LTF: variants seen among roughly 807,000 people sequenced by gnomAD.
LTF encodes epididymis luminal protein 110.
In LTF, 91 loss-of-function variants were observed where a neutral mutation model predicts 87.2. The ratio of observed to expected loss-of-function variants is 1.04; its 90% CI spans 0.88 to 1.24. The LOEUF (loss-of-function observed/expected upper bound fraction) is 1.24. LTF is among the 50% of genes most tolerant of loss of function. The pLI is 0.00. For synonymous variants in LTF, 378 were observed against 356.1 expected, an observed-to-expected ratio of 1.06 and a Z score of -0.69; for missense variants, 901 against 904.3, an observed-to-expected ratio of 1.00 and a Z score of 0.05.
intron 4 of LTF, 42 bp from the exon 5 acceptor site, chr3:46,455,484 C>G: frequency 1.9e-6 from 3 of 1,612,930 alleles, no homozygotes; most frequent in Non-Finnish European, 2.5e-6. Flanking sequence ...GTGAGCCAGC[C>G]CTGGTCACAG....
intron 1 of LTF, among the ~76,000 whole-genome samples, chr3:46,475,534 ACACACACAC>A (rs1703349738): frequency 6.7e-6 from 1 of 149,602 alleles, no homozygotes. Flanking sequence ...ACACACACAC[ACACACACAC>A]ACACACACAC....
At chr3:46,445,948 C>T (rs2269439) in intron 11 of LTF, among the ~76,000 whole-genome samples, 53,398 of 152,060 alleles carry the variant, frequency 0.35, 9,862 homozygotes, top group East Asian at 0.67. Context: ...CGTTGTCCTC[C>T]TGAGAGAATG....
intron 1 of LTF, among the ~76,000 whole-genome samples, chr3:46,481,370 A>C (rs1445401462): frequency 6.6e-6 from 1 of 152,166 alleles, no homozygotes; most frequent in Non-Finnish European, 1.5e-5. Flanking sequence ...AAACCCACCA[A>C]CAGGGCTAGG....
chr3:46,467,431 C>A (rs907346215), upstream of LTF, among the ~76,000 whole-genome samples: 1 of 151,932 alleles, frequency 6.6e-6, no homozygotes, highest in African/African-American at 2.4e-5. Flanking sequence ...CAGCACCCAT[C>A]ATGAGGGCTC....
intron 16 of LTF, 90 bp from the exon 17 acceptor site, chr3:46,436,319 A>T (rs1231011496): frequency 4.1e-6 from 5 of 1,205,924 alleles, no homozygotes; most frequent in Non-Finnish European, 6.2e-6. Context: ...GAATACTAAG[A>T]GTTTTCTCTG....
intron 1 of LTF, among the ~76,000 whole-genome samples, chr3:46,474,604 G>A (rs943145059): frequency 8.5e-5 from 13 of 152,142 alleles, no homozygotes; most frequent in African/African-American, 2.7e-4. Context: ...CAGCAGAACT[G>A]AATCAACATT....
intron 6 of LTF, among the ~76,000 whole-genome samples, chr3:46,451,549 G>GT (rs1300190041): frequency 2.1e-4 from 31 of 150,998 alleles, no homozygotes; most frequent in East Asian, 5.8e-4. Context: ...TTTGTGTGTG[G>GT]TTTTTTTTTC....
At chr3:46,456,463 C>A in intron 2 of LTF, 65 bp from the exon 3 acceptor site, 1 of 1,343,552 alleles carries the variant, frequency 7.4e-7, no homozygotes, top group Middle Eastern at 1.8e-4. Context: ...AGTGGGACTT[C>A]AGGACCTCAA....
chr3:46,450,479 C>T lies in LTF; in HGVS notation c.882+16G>A, dbSNP rs372739396. ...CCCATATCCAAGCAAGTGGGGAGGA[C>T]CGTGGGTGAAGATACCTGTGCCTGG... On this transcript the variant is annotated intron_variant, in intron 7 of 16. Transcript: ENST00000231751. The T allele has an allele frequency of 4.4e-6, 7 of 1,597,190 alleles. No homozygotes were observed. Among genetic ancestry groups the T allele is most frequent in the Admixed American group, 3.5e-5 (2 of 57,572 alleles).
intron 15 of LTF, among the ~76,000 whole-genome samples, chr3:46,438,881 G>A (rs540483382): frequency 2.0e-5 from 3 of 152,298 alleles, no homozygotes; most frequent in Admixed American, 1.3e-4. Context: ...TGAGTTTGCT[G>A]TTTTAGAGGC....
rs1327459126 is a variant in LTF, at chr3:46,438,101, C to G, written c.1937G>C (p.Cys646Ser). The change falls in exon 16 of 17, where the codon TGC becomes TCC. Residue 646 changes from cysteine (C) to serine (S), a missense_variant. Transcript: ENST00000231751. ...QAKFGRNGSDCPDKFCLFQSE... is the reference protein window; with the variant it reads ...QAKFGRNGSDSPDKFCLFQSE... ...CTGGAATAAGCAAAACTTGTCCGGG[C>G]AGTCAGATCCATTTCTCCCAAATTT... 2 of 1,613,458 alleles carry G rather than the reference C, an allele frequency of 1.2e-6. No homozygotes were observed. The highest frequency in any genetic ancestry group is 1.7e-6 in the Non-Finnish European group (2 of 1,179,874).
chr3:46,454,283 C>T lies in LTF; in HGVS notation c.703+22G>A, dbSNP rs201076996. ...GTAAGATAAAAGGGGTCAGTACCCA[C>T]GGCTCATTACCCTGCTCTTACCAAA... On this transcript the variant is annotated intron_variant, in intron 6 of 16. Coordinates refer to ENST00000231751, the MANE Select transcript of LTF (RefSeq NM_002343.6). The T allele has an allele frequency of 1.3e-5, 21 of 1,612,282 alleles. No homozygotes were observed. In the East Asian group the frequency reaches 2.7e-4, roughly 21 times the overall value.
chr3:46,475,670 A>C (rs1285806228), intron 1 of LTF, among the ~76,000 whole-genome samples: 1 of 152,124 alleles, frequency 6.6e-6, no homozygotes, highest in African/African-American at 2.4e-5. Flanking sequence ...ATTAGAGACC[A>C]CCCAACTCAA....
intron 14 of LTF, 111 bp from the exon 15 acceptor site, chr3:46,439,591 TG>T: frequency 1.2e-6 from 1 of 864,152 alleles, no homozygotes; most frequent in Non-Finnish European, 1.8e-6. Context: ...ACACTGGGGT[TG>T]TGGTGATGTG....
Position 46,447,539 on chromosome 3 carries a change from C to T in LTF, c.1213-141G>A, listed in dbSNP as rs532320980. On this transcript the variant is annotated intron_variant, in intron 9 of 16. Coordinates refer to ENST00000231751, the MANE Select transcript of LTF (RefSeq NM_002343.6). ...GAGATGGACTATTCAAACTGAGCAG[C>T]CAGAGGAAACACCGTGTGCACCACT... 6.0e-6 allele frequency: 4 copies of T among 671,686 alleles called. No individual in the cohort carries two copies. In the South Asian group the frequency reaches 6.8e-5, roughly 11 times the overall value. 41.6% of individuals were successfully genotyped at this position (671,686 alleles called of 1,614,324 possible).
intron 1 of LTF, among the ~76,000 whole-genome samples, chr3:46,474,261 G>T (rs761265279): frequency 5.3e-5 from 8 of 152,002 alleles, no homozygotes; most frequent in Non-Finnish European, 8.8e-5. Context: ...TAAAATGATA[G>T]AAAAACATAA....
chr3:46,461,110 T>A lies in LTF; in HGVS notation c.44-1291A>T, dbSNP rs151146074. Among the ~76,000 whole-genome samples the A allele has an allele frequency of 2.6e-5, 4 of 152,254 alleles. No homozygotes were observed. In the East Asian group the frequency reaches 5.8e-4, roughly 22 times the overall value. On this transcript the variant is annotated intron_variant, in intron 1 of 16. Transcript: ENST00000231751. ...AAATTGAAAATGCAACGAAATATCA[T>A]TTCACAGCCACTGAACAGGTTATAA...
intron 2 of LTF, among the ~76,000 whole-genome samples, chr3:46,458,943 T>C (rs1004041454): frequency 2.0e-5 from 3 of 152,248 alleles, no homozygotes; most frequent in Admixed American, 6.5e-5. Flanking sequence ...ACTAGATTTT[T>C]CCCTAAGTGC....
intron 14 of LTF, among the ~76,000 whole-genome samples, chr3:46,440,466 GTTA>G: frequency 6.6e-6 from 1 of 152,190 alleles, no homozygotes; most frequent in Non-Finnish European, 1.5e-5. Flanking sequence ...GATTACTTCA[GTTA>G]ATGGCTTGTA....
Sources: gnomAD v4.1 joint callset for allele counts (sites outside exome capture counted in the v4.1 genomes callset) on GRCh38, gnomAD v4.1.1 for gene constraint, MANE v1.5 for transcripts, NCBI Gene and HGNC (gene_info 2026-07-23, HGNC 2026-07-21) for gene names.